Variants in ROBO1 observed in about 807,000 individuals in gnomAD.
ROBO1 encodes roundabout homolog 1.
Under a neutral mutation model 195.9 loss-of-function variants are expected in ROBO1, and 149 were observed. The ratio of observed to expected loss-of-function variants is 0.76; its 90% CI spans 0.67 to 0.87. The LOEUF (loss-of-function observed/expected upper bound fraction) is 0.87. Ranked by LOEUF, ROBO1 falls within the 40% of genes least tolerant of loss-of-function variation. The probability of loss-of-function intolerance (pLI) is 0.00; values close to 1 mark genes in which losing one functional copy is unlikely to be tolerated. For synonymous variants in ROBO1, 816 were observed against 733.2 expected (o/e 1.11, Z -1.82); for missense variants, 1,933 against 2,068.3 (o/e 0.93, Z 1.27).
chr3:78,866,051 A>G (rs1463147789), intron 4 of ROBO1, among the ~76,000 whole-genome samples: 2 of 152,310 alleles, frequency 1.3e-5, no homozygotes, highest in South Asian at 4.1e-4. Flanking sequence ...TATTTCTTGG[A>G]AAATCTGTCT....
intron 8 of ROBO1, among the ~76,000 whole-genome samples, chr3:78,711,344 CT>C (rs1553708589): frequency 1.2e-5 from 1 of 84,130 alleles, no homozygotes; most frequent in Non-Finnish European, 2.2e-5. Context: ...TCCTTCCTTC[CT>C]TCCTCCTTCC....
chr3:79,407,897 A>G (rs1372789566), intron 2 of ROBO1, among the ~76,000 whole-genome samples: 2 of 152,160 alleles, frequency 1.3e-5, no homozygotes, highest in African/African-American at 4.8e-5. Context: ...GGACTCTTCT[A>G]AGTCTTATTT....
chr3:79,444,692 T>A (rs749367212), intron 2 of ROBO1, among the ~76,000 whole-genome samples: 2 of 152,114 alleles, frequency 1.3e-5, no homozygotes, highest in Non-Finnish European at 2.9e-5. Flanking sequence ...CTTTATTTTT[T>A]TTAAATAATG....
At chr3:79,755,077 A>G (rs1704317920) in intron 1 of ROBO1, among the ~76,000 whole-genome samples, 1 of 151,970 alleles carries the variant, frequency 6.6e-6, no homozygotes, top group Non-Finnish European at 1.5e-5. Flanking sequence ...ACGGGGTTTC[A>G]CCATGTTGGT....
intron 1 of ROBO1, among the ~76,000 whole-genome samples, chr3:79,725,767 C>T (rs1702897227): frequency 6.6e-6 from 1 of 152,100 alleles, no homozygotes; most frequent in Non-Finnish European, 1.5e-5. Flanking sequence ...AGCATCTTTA[C>T]TGATAAGCTT....
At chr3:79,151,770 G>A (rs2080775870) in intron 2 of ROBO1, among the ~76,000 whole-genome samples, 1 of 151,610 alleles carries the variant, frequency 6.6e-6, no homozygotes, top group African/African-American at 2.4e-5. Context: ...CAAATTATAG[G>A]CCAAGCTCAT....
chr3:78,626,369 A>G (rs749261898), intron 26 of ROBO1, among the ~76,000 whole-genome samples: 1 of 152,154 alleles, frequency 6.6e-6, no homozygotes, highest in African/African-American at 2.4e-5. Context: ...TCTTGTTTTT[A>G]CAGTGTATGT....
At chr3:79,505,916 C>T (rs2107522064) in intron 2 of ROBO1, among the ~76,000 whole-genome samples, 1 of 152,158 alleles carries the variant, frequency 6.6e-6, no homozygotes, top group African/African-American at 2.4e-5. Flanking sequence ...GAATTACAGG[C>T]CATGACCACA....
At chr3:79,026,434 T>G (rs1241327884) in intron 3 of ROBO1, among the ~76,000 whole-genome samples, 2 of 152,080 alleles carry the variant, frequency 1.3e-5, no homozygotes, top group Non-Finnish European at 1.5e-5. Context: ...TAGTTTCATT[T>G]TGGGACTCAA....
At chr3:79,585,062 A>G (rs1244292225) in intron 2 of ROBO1, among the ~76,000 whole-genome samples, 1 of 148,808 alleles carries the variant, frequency 6.7e-6, no homozygotes, top group East Asian at 1.9e-4. Flanking sequence ...TGTAGTGACT[A>G]TTGTTTTTAG....
chr3:78,865,191 T>C (rs2035092922), intron 4 of ROBO1, among the ~76,000 whole-genome samples: 1 of 152,142 alleles, frequency 6.6e-6, no homozygotes, highest in South Asian at 2.1e-4. Context: ...CTTTGAGCAG[T>C]ACTTAGGGGA....
At chr3:79,296,536 T>C (rs2032608150) in intron 2 of ROBO1, among the ~76,000 whole-genome samples, 1 of 152,180 alleles carries the variant, frequency 6.6e-6, no homozygotes, top group South Asian at 2.1e-4. Flanking sequence ...CCTTTCATGT[T>C]GTATCTAACT....
intron 3 of ROBO1, among the ~76,000 whole-genome samples, chr3:79,074,131 T>C (rs1464502210): frequency 6.6e-6 from 1 of 151,810 alleles, no homozygotes; most frequent in Non-Finnish European, 1.5e-5. Context: ...ATTATATTTC[T>C]TGGGATCCCT....
At chr3:78,723,352 T>C (rs1185580243) in intron 5 of ROBO1, among the ~76,000 whole-genome samples, 2 of 152,198 alleles carry the variant, frequency 1.3e-5, no homozygotes, top group Non-Finnish European at 2.9e-5. Flanking sequence ...TGTAGGTTTG[T>C]ATAAGTAAAC....
chr3:79,733,308 T>C (rs1187572785), intron 1 of ROBO1, among the ~76,000 whole-genome samples: 1 of 152,238 alleles, frequency 6.6e-6, no homozygotes, highest in African/African-American at 2.4e-5. Flanking sequence ...TATGCAAATA[T>C]AATCTTATTT....
At chr3:79,289,183 A>G (rs1391525813) in intron 2 of ROBO1, among the ~76,000 whole-genome samples, 2 of 152,034 alleles carry the variant, frequency 1.3e-5, no homozygotes, top group Non-Finnish European at 2.9e-5. Flanking sequence ...ATTCTTCCTT[A>G]TTAAAATAAT....
intron 1 of ROBO1, 145 bp from the exon 2 acceptor site, chr3:79,590,106 G>A: frequency 2.0e-6 from 1 of 488,776 alleles, no homozygotes; most frequent in South Asian, 3.4e-5. Context: ...AAATGAATAT[G>A]AATTGTATAG....
intron 2 of ROBO1, among the ~76,000 whole-genome samples, chr3:79,517,365 T>G (rs561308226): frequency 6.6e-6 from 1 of 152,324 alleles, no homozygotes; most frequent in South Asian, 2.1e-4. Flanking sequence ...CTGCAGAAAT[T>G]TCCTTGCCGG....
intron 3 of ROBO1, among the ~76,000 whole-genome samples, chr3:79,021,114 G>C (rs555875944): frequency 6.6e-6 from 1 of 152,072 alleles, no homozygotes; most frequent in Non-Finnish European, 1.5e-5. Flanking sequence ...TGAGAAAACT[G>C]ACTATAAATT....
Sources: gnomAD v4.1 joint callset for allele counts (sites outside exome capture counted in the v4.1 genomes callset) on GRCh38, gnomAD v4.1.1 for gene constraint, MANE v1.5 for transcripts, NCBI Gene and HGNC (gene_info 2026-07-23, HGNC 2026-07-21) for gene names.